Variants in ANO3 observed in about 807,000 individuals in gnomAD.
ANO3 encodes the protein anoctamin 3.
In ANO3, 99 loss-of-function variants were observed where a neutral mutation model predicts 144.8. That is an observed-to-expected ratio of 0.68 (90% CI 0.58 to 0.81). ANO3 has a LOEUF of 0.81. Among genes scored for constraint, ANO3 ranks in the 30% least tolerant of loss-of-function variants. The probability of loss-of-function intolerance (pLI) is 0.00; values close to 1 mark genes in which losing one functional copy is unlikely to be tolerated. For missense variants in ANO3, 905 were observed against 1,202.2 expected (o/e 0.75, Z 3.66); for synonymous variants, 414 against 392.6 (o/e 1.05, Z -0.64).
intron 5 of ANO3, 146 bp downstream of exon 5, chr11:26,508,408 T>C: frequency 5.0e-6 from 3 of 603,352 alleles, no homozygotes; most frequent in Non-Finnish European, 8.1e-6. Context: ...TACATGCACA[T>C]AGCCCTATTA....
intron 1 of ANO3, among the ~76,000 whole-genome samples, chr11:26,321,031 T>G (rs931452687): frequency 6.6e-6 from 1 of 152,128 alleles, no homozygotes. Flanking sequence ...TTATTGTTCC[T>G]GGCCTGGTTT....
intron 1 of ANO3, among the ~76,000 whole-genome samples, chr11:26,385,908 T>TATATATATATATATACAC (rs1310559300): frequency 2.0e-5 from 3 of 149,372 alleles, no homozygotes; most frequent in South Asian, 2.1e-4. Flanking sequence ...TATATTTATA[T>TATATATATATATATACAC]ACATATTTAC....
At chr11:26,292,596 T>C (rs537495255) in intron 1 of ANO3, among the ~76,000 whole-genome samples, 18 of 152,304 alleles carry the variant, frequency 1.2e-4, no homozygotes, top group Admixed American at 9.2e-4. Context: ...GATGAGGTTT[T>C]GGTGTGGGTG....
At chr11:26,424,268 T>C (rs11029550) in intron 1 of ANO3, among the ~76,000 whole-genome samples, 7,917 of 120,654 alleles carry the variant, frequency 0.066, 270 homozygotes, top group African/African-American at 0.16. Flanking sequence ...CACACACACA[T>C]ACACATAAAC....
At chr11:26,611,698 G>A (rs1307778630) in intron 17 of ANO3, among the ~76,000 whole-genome samples, 1 of 152,088 alleles carries the variant, frequency 6.6e-6, no homozygotes, top group Non-Finnish European at 1.5e-5. Context: ...ACTGTTGAGG[G>A]TGGGGTGTTG....
chr11:26,487,771 T>C (rs1860517158), intron 4 of ANO3, among the ~76,000 whole-genome samples: 1 of 152,178 alleles, frequency 6.6e-6, no homozygotes, highest in Non-Finnish European at 1.5e-5. Flanking sequence ...CCCTAGAGAT[T>C]TGTGAAACTT....
At chr11:26,482,780 A>G (rs1860274582) in intron 4 of ANO3, among the ~76,000 whole-genome samples, 2 of 152,016 alleles carry the variant, frequency 1.3e-5, no homozygotes, top group African/African-American at 2.4e-5. Context: ...TGAGTCTCCA[A>G]TATTATTTCA....
intron 18 of ANO3, among the ~76,000 whole-genome samples, chr11:26,632,622 A>AAC (rs151137702): frequency 1.2e-3 from 180 of 148,046 alleles, no homozygotes; most frequent in African/African-American, 2.9e-3. Context: ...TATATGTACA[A>AAC]ACACACACAC....
At chr11:26,201,791 T>A (rs1465427328) in intron 1 of ANO3, among the ~76,000 whole-genome samples, 1 of 151,302 alleles carries the variant, frequency 6.6e-6, no homozygotes, top group East Asian at 1.9e-4. Flanking sequence ...ATTCAAGCTA[T>A]GTGAATAAAG....
At chr11:26,392,306 A>T (rs1856903269) in intron 1 of ANO3, among the ~76,000 whole-genome samples, 1 of 150,260 alleles carries the variant, frequency 6.7e-6, no homozygotes, top group Admixed American at 6.7e-5. Flanking sequence ...TGAGAGTAAC[A>T]TTTTTACACT....
intron 14 of ANO3, chr11:26,572,083 A>G (rs1850851251): frequency 1.0e-6 from 1 of 985,222 alleles, no homozygotes; most frequent in Non-Finnish European, 1.2e-6. Flanking sequence ...CTGAAATATC[A>G]CAGTTGTCCT....
chr11:26,645,710 G>A (rs1853322286), intron 23 of ANO3, among the ~76,000 whole-genome samples: 3 of 152,166 alleles, frequency 2.0e-5, no homozygotes, highest in South Asian at 4.1e-4. Context: ...TTTTTGGGGG[G>A]CAGAGGGAGG....
At chr11:26,409,031 C>T (rs1365059174) in intron 1 of ANO3, among the ~76,000 whole-genome samples, 5 of 151,240 alleles carry the variant, frequency 3.3e-5, no homozygotes, top group African/African-American at 2.4e-5. Flanking sequence ...TGCTAAATGA[C>T]GAGTTAATGG....
At chr11:26,281,043 A>G (rs1407688825) in intron 1 of ANO3, among the ~76,000 whole-genome samples, 1 of 152,190 alleles carries the variant, frequency 6.6e-6, no homozygotes, top group Non-Finnish European at 1.5e-5. Context: ...AGATGTGCCA[A>G]TACTGTACTA....
At chr11:26,653,474 C>G (rs1417048002) in intron 24 of ANO3, among the ~76,000 whole-genome samples, 1 of 152,058 alleles carries the variant, frequency 6.6e-6, no homozygotes, top group Non-Finnish European at 1.5e-5. Flanking sequence ...CACCTGGATC[C>G]TTGAATAATC....
chr11:26,516,859 TA>T lies in ANO3; in HGVS notation c.628del (p.Ile210PhefsTer15), dbSNP rs760242078. The part of the protein sequence containing the change: ...AIASPDIMFI[K>X]IHIPWDTLCK... ...TTGCAAGCCCCGATATCATGTTTAT[TA>T]AAATTCACATTCCATGGGACACGCT... On this transcript the variant is annotated frameshift_variant, in exon 6 of 27. Transcript: ENST00000256737. LOFTEE classifies it high-confidence loss of function. The T allele has an allele frequency of 6.2e-7, 1 of 1,611,928 alleles. No individual in the cohort carries two copies. Among genetic ancestry groups the T allele is most frequent in the Non-Finnish European group, 8.5e-7 (1 of 1,178,446 alleles).
chr11:26,513,121 G>A (rs965615516), intron 5 of ANO3, among the ~76,000 whole-genome samples: 1 of 152,196 alleles, frequency 6.6e-6, no homozygotes, highest in Non-Finnish European at 1.5e-5. Flanking sequence ...GAACTAGCAA[G>A]TGATCAAATG....
chr11:26,531,415 C>T (rs918464782), intron 8 of ANO3, 79 bp downstream of exon 8: 20 of 1,452,576 alleles, frequency 1.4e-5, no homozygotes, highest in South Asian at 1.0e-4. Flanking sequence ...CACCTGGGAC[C>T]ATTTCCATTG....
At chr11:26,329,234 A>T (rs139325638), upstream of ANO3, among the ~76,000 whole-genome samples, 4 of 152,142 alleles carry the variant, frequency 2.6e-5, no homozygotes, top group Admixed American at 6.6e-5. Flanking sequence ...ATTTTGAGTT[A>T]AAAAAGAGGG....
Sources: allele counts gnomAD v4.1 joint callset (sites outside exome capture counted in the v4.1 genomes callset), GRCh38; gene constraint gnomAD v4.1.1; transcripts MANE v1.5; gene names NCBI Gene and HGNC (gene_info 2026-07-23, HGNC 2026-07-21).